Variants in SUMF1 observed in about 807,000 individuals in gnomAD.
SUMF1 encodes the protein formylglycine-generating enzyme.
A neutral mutation model predicts 47.6 loss-of-function variants in SUMF1; 48 were observed. The ratio of observed to expected loss-of-function variants is 1.01; its 90% CI spans 0.80 to 1.28. SUMF1 has a LOEUF of 1.28. SUMF1 is among the 50% of genes most tolerant of loss of function. SUMF1 has a pLI of 0.00. For synonymous variants in SUMF1, 230 were observed against 192.1 expected (o/e 1.20, Z -1.63); for missense variants, 571 against 485.4 (o/e 1.18, Z -1.66).
intron 8 of SUMF1, among the ~76,000 whole-genome samples, chr3:4,106,791 G>T (rs1693169852): frequency 6.6e-6 from 1 of 152,006 alleles, no homozygotes; most frequent in African/African-American, 2.4e-5. Flanking sequence ...TGTCAAACTT[G>T]CATTAGAAAC....
rs566939370 is a variant in SUMF1 at position 4,406,550 on chromosome 3, T to C, written c.954+4315A>G. On this transcript the variant is annotated intron_variant, in intron 7 of 8. Coordinates refer to ENST00000272902, the MANE Select transcript of SUMF1 (RefSeq NM_182760.4). Reference sequence around the variant, plus strand: ...GCACGGGCACCTGTAATCCCAGCTATTCGGGAGGCTGAGGCTGAAGAATTG... The same window carrying C: ...GCACGGGCACCTGTAATCCCAGCTACTCGGGAGGCTGAGGCTGAAGAATTG... Among the ~76,000 whole-genome samples the C allele has an allele frequency of 5.3e-5, 8 of 152,146 alleles. No individual in the cohort carries two copies. In the East Asian group the frequency reaches 1.5e-3, roughly 29 times the overall value.
Position 4,361,306 on chromosome 3 carries a change from C to G in SUMF1, c.*838G>C, listed in dbSNP as rs1004922953. ...CTTTTTCCCTATATCTAGAATTAAA[C>G]AGGTTTCCCCGTTTAGCGCACATTT... On this transcript the variant is annotated 3_prime_UTR_variant, in exon 9 of 9. Transcript: ENST00000272902. The G allele has an allele frequency of 6.6e-6, 1 of 152,572 alleles. No individual in the cohort carries two copies. Among genetic ancestry groups the G allele is most frequent in the Admixed American group, 6.5e-5 (1 of 15,276 alleles). 9.5% of individuals were successfully genotyped at this position (152,572 alleles called of 1,614,324 possible).
At chr3:4,267,273 T>C (rs1279788959) in intron 8 of SUMF1, among the ~76,000 whole-genome samples, 1 of 152,154 alleles carries the variant, frequency 6.6e-6, no homozygotes, top group Non-Finnish European at 1.5e-5. Context: ...TCTTTTTCTA[T>C]TGATTGGAGT....
chr3:4,421,629 G>C (rs1010779671), intron 3 of SUMF1, among the ~76,000 whole-genome samples: 1 of 152,068 alleles, frequency 6.6e-6, no homozygotes, highest in African/African-American at 2.4e-5. Flanking sequence ...ACAGGTGTGC[G>C]CCACAATGCC....
downstream of SUMF1, among the ~76,000 whole-genome samples, chr3:4,357,677 C>T (rs1171531368): frequency 6.6e-6 from 1 of 151,664 alleles, no homozygotes; most frequent in Non-Finnish European, 1.5e-5. Flanking sequence ...GGCGCGATCT[C>T]GGCTCACTGC....
chr3:4,403,175 G>T (rs1032513943), intron 7 of SUMF1, among the ~76,000 whole-genome samples: 2 of 152,156 alleles, frequency 1.3e-5, no homozygotes, highest in African/African-American at 4.8e-5. Flanking sequence ...CCCCATTTAA[G>T]AAGAAAGTAA....
At chr3:4,306,434 GTGAT>G (rs1325690615) in intron 8 of SUMF1, among the ~76,000 whole-genome samples, 1 of 152,148 alleles carries the variant, frequency 6.6e-6, no homozygotes, top group Non-Finnish European at 1.5e-5. Context: ...AGGAAGCTTT[GTGAT>G]TGATTGTTAC....
intron 8 of SUMF1, among the ~76,000 whole-genome samples, chr3:4,278,276 A>G (rs1454665031): frequency 6.6e-6 from 1 of 152,098 alleles, no homozygotes; most frequent in Non-Finnish European, 1.5e-5. Flanking sequence ...TAATCTTGAT[A>G]TATTGTACCA....
intron 8 of SUMF1, among the ~76,000 whole-genome samples, chr3:4,298,141 T>A (rs1169896400): frequency 1.3e-5 from 2 of 152,204 alleles, no homozygotes; most frequent in Non-Finnish European, 1.5e-5. Flanking sequence ...CCAAAACCTG[T>A]TTATGGAAAT....
At chr3:4,149,649 A>G (rs1240746299) in intron 8 of SUMF1, among the ~76,000 whole-genome samples, 1 of 152,216 alleles carries the variant, frequency 6.6e-6, no homozygotes, top group East Asian at 1.9e-4. Flanking sequence ...CCAAACAGGA[A>G]GCAACCATCC....
At chr3:4,066,309 A>G (rs1309561662) in intron 9 of SUMF1, among the ~76,000 whole-genome samples, 2 of 152,118 alleles carry the variant, frequency 1.3e-5, no homozygotes, top group African/African-American at 2.4e-5. Flanking sequence ...TTTTCATAAA[A>G]CGATCTTTTT....
chr3:4,125,846 T>G (rs1025059266), intron 8 of SUMF1, among the ~76,000 whole-genome samples: 4 of 152,046 alleles, frequency 2.6e-5, no homozygotes, highest in African/African-American at 9.7e-5. Flanking sequence ...GTGGCTAGTT[T>G]TTGTATTTTT....
intron 9 of SUMF1, among the ~76,000 whole-genome samples, chr3:4,064,736 G>C (rs1346082606): frequency 6.6e-6 from 1 of 152,114 alleles, no homozygotes; most frequent in East Asian, 1.9e-4. Flanking sequence ...CTCAGGAATT[G>C]AACCCAGGTC....
In SUMF1 at chr3:4,125,744, G is replaced by A. The variant is rs532647725; in HGVS notation, c.1015-56999C>T. Reference sequence around the variant, plus strand: ...GGCTAGAGTGCGGTGGCATGCTCACGGCTCACTGCGGCCTTGACTTCCTGG... The same window carrying A: ...GGCTAGAGTGCGGTGGCATGCTCACAGCTCACTGCGGCCTTGACTTCCTGG... On this transcript the variant is annotated intron_variant and NMD_transcript_variant, in intron 8 of 12. Transcript: ENST00000448413. 2.4e-4 allele frequency among the ~76,000 whole-genome samples: 37 copies of A among 152,220 alleles called. No individual in the cohort carries two copies. In the South Asian group the frequency reaches 5.6e-3, roughly 23 times the overall value.
chr3:4,049,043 G>C (rs950474280), intron 9 of SUMF1, among the ~76,000 whole-genome samples: 8 of 152,156 alleles, frequency 5.3e-5, no homozygotes, highest in African/African-American at 1.9e-4. Flanking sequence ...AGATTTGAAA[G>C]CCATGGGGAG....
At chr3:4,464,547 T>C (rs1175921507) in intron 1 of SUMF1, among the ~76,000 whole-genome samples, 9 of 152,122 alleles carry the variant, frequency 5.9e-5, no homozygotes, top group Admixed American at 2.0e-4. Context: ...TATAGTAATG[T>C]GCCAAATAAA....
intron 8 of SUMF1, among the ~76,000 whole-genome samples, chr3:4,260,235 G>A (rs1697056782): frequency 6.6e-6 from 1 of 151,978 alleles, no homozygotes; most frequent in Non-Finnish European, 1.5e-5. Flanking sequence ...AAATATATTG[G>A]CAATATTTAA....
intron 8 of SUMF1, among the ~76,000 whole-genome samples, chr3:4,252,375 C>A (rs910544439): frequency 7.0e-6 from 1 of 143,210 alleles, no homozygotes; most frequent in Non-Finnish European, 1.6e-5. Context: ...CACACACACA[C>A]ACACCCCACT....
At chr3:4,143,832 C>G (rs1018368593) in intron 8 of SUMF1, among the ~76,000 whole-genome samples, 2 of 152,056 alleles carry the variant, frequency 1.3e-5, no homozygotes, top group South Asian at 4.1e-4. Flanking sequence ...CATCTGGGAG[C>G]TAGTTAGAAT....
Sources: allele counts gnomAD v4.1 joint callset (sites outside exome capture counted in the v4.1 genomes callset), GRCh38; gene constraint gnomAD v4.1.1; transcripts MANE v1.5; gene names NCBI Gene and HGNC (gene_info 2026-07-23, HGNC 2026-07-21).